Variants in PPP2R5C observed in about 807,000 individuals in gnomAD.
PPP2R5C encodes the protein protein phosphatase 2 regulatory subunit B'gamma.
Under a neutral mutation model 68.9 loss-of-function variants are expected in PPP2R5C, and 7 were observed. The ratio of observed to expected loss-of-function variants is 0.10; its 90% CI spans 0.06 to 0.19. The LOEUF is 0.19. PPP2R5C is among the 10% of genes least tolerant of loss of function. The pLI, the probability that PPP2R5C is intolerant of heterozygous loss-of-function variation, is 1.00. For missense variants in PPP2R5C, 348 were observed against 641.3 expected, an observed-to-expected ratio of 0.54 and a Z score of 4.94; for synonymous variants, 210 against 222.2, an observed-to-expected ratio of 0.95 and a Z score of 0.49.
intron 2 of PPP2R5C, among the ~76,000 whole-genome samples, chr14:101,878,114 T>C (rs145545212): frequency 6.6e-6 from 1 of 152,366 alleles, no homozygotes; most frequent in East Asian, 1.9e-4. Context: ...TCCGAGCAAG[T>C]GCAGAGAAGG....
chr14:101,788,522 T>C (rs1007076112), intron 3 of PPP2R5C, among the ~76,000 whole-genome samples: 14 of 152,198 alleles, frequency 9.2e-5, no homozygotes, highest in African/African-American at 2.9e-4. Context: ...CTACATCTGT[T>C]TTCTATTCTC....
At chr14:101,760,745 C>A, upstream of PPP2R5C, 1 of 320,474 alleles carries the variant, frequency 3.1e-6, no homozygotes, top group Non-Finnish European at 3.6e-6. Context: ...AGGGGCTGGT[C>A]GAGGGGAGGG....
rs912372338 is a variant in PPP2R5C, at chr14:101,891,445, G to A, written c.689+1149G>A. ...GGGGTTTCTCCCTCAGTGCAGTGCAGTGAGTGGTGAAGAGGATGCCTCTCT... is the reference window on the plus strand; with the variant it reads ...GGGGTTTCTCCCTCAGTGCAGTGCAATGAGTGGTGAAGAGGATGCCTCTCT... On this transcript the variant is annotated intron_variant, in intron 6 of 13. Transcript: ENST00000334743. This position sits in a 1 kb window ranked among gnomAD's most constrained non-coding sequence, Gnocchi z 4.9. 3.4e-5 allele frequency among the ~76,000 whole-genome samples: 5 copies of A among 145,482 alleles called. No homozygotes were observed. Among genetic ancestry groups the A allele is most frequent in the African/African-American group, 1.4e-4 (5 of 36,328 alleles).
At chr14:101,924,353 T>G (rs2047167988) in intron 13 of PPP2R5C, among the ~76,000 whole-genome samples, 1 of 151,862 alleles carries the variant, frequency 6.6e-6, no homozygotes, top group Non-Finnish European at 1.5e-5. Context: ...GAAGAGAGTA[T>G]ATATTTTTTT....
upstream of PPP2R5C, among the ~76,000 whole-genome samples, chr14:101,805,570 T>C (rs963686179): frequency 2.0e-5 from 3 of 152,154 alleles, no homozygotes; most frequent in Non-Finnish European, 4.4e-5. Context: ...CCCAAAAGAA[T>C]TGAAAACAGA....
intron 1 of PPP2R5C, among the ~76,000 whole-genome samples, chr14:101,842,181 G>A (rs929231071): frequency 2.6e-5 from 4 of 152,152 alleles, no homozygotes; most frequent in African/African-American, 9.7e-5. Context: ...TTTAGGTGAC[G>A]TATCTTCTCC....
intron 3 of PPP2R5C, among the ~76,000 whole-genome samples, chr14:101,804,246 A>C: frequency 6.6e-6 from 1 of 152,232 alleles, no homozygotes; most frequent in Non-Finnish European, 1.5e-5. Flanking sequence ...ATGTGGGGAA[A>C]AGGGAACCCT....
intron 1 of PPP2R5C, among the ~76,000 whole-genome samples, chr14:101,817,189 C>T (rs2039772738): frequency 6.6e-6 from 1 of 151,834 alleles, no homozygotes; most frequent in Non-Finnish European, 1.5e-5. Context: ...ATCTCCTGAC[C>T]TCGTGTTCCA....
exon 14 of PPP2R5C, chr14:101,925,252 G>C (rs573862584): frequency 6.2e-7 from 1 of 1,613,314 alleles, no homozygotes. Context: ...CGATGAGCTG[G>C]CCTCCCAGGA....
chr14:101,822,283 A>G (rs1328279148), intron 1 of PPP2R5C, among the ~76,000 whole-genome samples: 1 of 152,172 alleles, frequency 6.6e-6, no homozygotes, highest in Non-Finnish European at 1.5e-5. Context: ...GGGAATTGGA[A>G]GAATTCTGTG....
At chr14:101,831,108 T>G (rs1212074291) in intron 1 of PPP2R5C, among the ~76,000 whole-genome samples, 1 of 152,058 alleles carries the variant, frequency 6.6e-6, no homozygotes. Flanking sequence ...ATGGGGACAT[T>G]AACAGAGCCC....
At chr14:101,795,223 A>G (rs77641333) in intron 3 of PPP2R5C, among the ~76,000 whole-genome samples, 5,933 of 152,324 alleles carry the variant, frequency 0.039, 217 homozygotes, top group East Asian at 0.15. Flanking sequence ...ACTGGATCAA[A>G]GAGCAGGCAT....
intron 2 of PPP2R5C, among the ~76,000 whole-genome samples, chr14:101,859,747 C>CTGG (rs540431670): frequency 2.6e-5 from 4 of 152,164 alleles, no homozygotes; most frequent in Non-Finnish European, 4.4e-5. Flanking sequence ...CAGCAAAAGC[C>CTGG]TGGGCCTCTT....
At chr14:101,923,283 G>A (rs1350731157) in intron 13 of PPP2R5C, among the ~76,000 whole-genome samples, 1 of 152,208 alleles carries the variant, frequency 6.6e-6, no homozygotes, top group African/African-American at 2.4e-5. Context: ...CTGGGGTCAT[G>A]TTTGTGTTCT....
chr14:101,894,709 T>G, intron 8 of PPP2R5C, 149 bp downstream of exon 10: 2 of 692,694 alleles, frequency 2.9e-6, no homozygotes, highest in Non-Finnish European at 2.4e-6. Flanking sequence ...ATTCATGGGT[T>G]ATAGGTTTTC....
intron 2 of PPP2R5C, among the ~76,000 whole-genome samples, chr14:101,863,265 G>A (rs1459638701): frequency 6.6e-6 from 1 of 151,600 alleles, no homozygotes; most frequent in African/African-American, 2.4e-5. Flanking sequence ...CCGAGATTGA[G>A]CCACTGCACT....
intron 2 of PPP2R5C, among the ~76,000 whole-genome samples, chr14:101,862,333 T>C (rs1003682736): frequency 1.3e-5 from 2 of 152,200 alleles, no homozygotes; most frequent in Non-Finnish European, 2.9e-5. Flanking sequence ...TTAATAGATA[T>C]GATGAAGTGA....
intron 1 of PPP2R5C, among the ~76,000 whole-genome samples, chr14:101,822,023 G>C (rs1028288913): frequency 1.3e-5 from 2 of 151,786 alleles, no homozygotes; most frequent in Non-Finnish European, 2.9e-5. Context: ...TATTTTACTA[G>C]ATGTTGAAAA....
At chr14:101,798,412 C>CAGGT (rs1252727779) in intron 3 of PPP2R5C, among the ~76,000 whole-genome samples, 1 of 152,094 alleles carries the variant, frequency 6.6e-6, no homozygotes, top group Non-Finnish European at 1.5e-5. Flanking sequence ...GATGTATTTA[C>CAGGT]AGGTAGTTTG....
Sources: allele counts gnomAD v4.1 joint callset (sites outside exome capture counted in the v4.1 genomes callset), GRCh38; gene constraint gnomAD v4.1.1; non-coding constraint Gnocchi (gnomAD v3.1); transcripts MANE v1.5; gene names NCBI Gene and HGNC (gene_info 2026-07-23, HGNC 2026-07-21).